The following TBC1D4 variants were observed in gnomAD, a reference collection of about 807,000 sequenced individuals.
The protein encoded by TBC1D4 is TBC1 domain family member 4, also known as TBC (Tre-2, BUB2, CDC16) domain-containing protein.
TBC1D4 carries 121 observed loss-of-function variants against 142.5 expected under a neutral mutation model. The observed-to-expected ratio is 0.85, with a 90% CI of 0.73 to 0.99. The LOEUF (loss-of-function observed/expected upper bound fraction) is 0.99. TBC1D4 is among the 50% of genes least tolerant of loss of function. The probability of loss-of-function intolerance (pLI) is 0.00; values close to 1 mark genes in which losing one functional copy is unlikely to be tolerated. For synonymous variants in TBC1D4, 630 were observed against 628.2 expected (o/e 1.00, Z -0.04); for missense variants, 1,475 against 1,606.6 (o/e 0.92, Z 1.40).
chr13:75,336,049 G>T (rs1308327772), intron 8 of TBC1D4, among the ~76,000 whole-genome samples: 1 of 151,824 alleles, frequency 6.6e-6, no homozygotes, highest in Non-Finnish European at 1.5e-5. Context: ...TCTATTGCTC[G>T]AATTCAAATA....
intron 1 of TBC1D4, among the ~76,000 whole-genome samples, chr13:75,401,233 C>CA (rs1885077952): frequency 6.6e-6 from 1 of 152,182 alleles, no homozygotes; most frequent in Non-Finnish European, 1.5e-5. Context: ...AGCTTGTTTC[C>CA]AGGATTAGTT....
chr13:75,355,700 T>C (rs968422064), intron 4 of TBC1D4, among the ~76,000 whole-genome samples: 6 of 152,196 alleles, frequency 3.9e-5, no homozygotes, highest in Admixed American at 2.6e-4. Flanking sequence ...AAGTATATGA[T>C]ATTTCAAAAA....
chr13:75,330,304 T>C (rs1254923223), intron 8 of TBC1D4, among the ~76,000 whole-genome samples: 2 of 152,236 alleles, frequency 1.3e-5, no homozygotes, highest in Non-Finnish European at 2.9e-5. Flanking sequence ...GTTTTATTTA[T>C]GACATCCTAT....
At chr13:75,409,022 C>T (rs894238906) in intron 1 of TBC1D4, among the ~76,000 whole-genome samples, 6 of 128,758 alleles carry the variant, frequency 4.7e-5, no homozygotes, top group Non-Finnish European at 8.0e-5. Context: ...TGATTGTGTG[C>T]ATATATATAT....
At chr13:75,349,077 G>T in intron 5 of TBC1D4, 93 bp downstream of exon 5, 1 of 1,573,142 alleles carries the variant, frequency 6.4e-7, no homozygotes. Context: ...GTTTCACATC[G>T]AAACAAAGAA....
chr13:75,381,735 G>A (rs919773134), intron 1 of TBC1D4, among the ~76,000 whole-genome samples: 8 of 152,190 alleles, frequency 5.3e-5, no homozygotes, highest in African/African-American at 1.9e-4. Flanking sequence ...CAGAACACCA[G>A]AGGCCCTAAG....
chr13:75,382,755 CAG>C (rs1046983190), intron 1 of TBC1D4, among the ~76,000 whole-genome samples: 2 of 152,272 alleles, frequency 1.3e-5, no homozygotes, highest in African/African-American at 4.8e-5. Flanking sequence ...ATGTAAAATG[CAG>C]AGTCAATTTC....
rs1888905380 is a variant in TBC1D4 at position 75,481,844 on chromosome 13, C to G, written c.-77G>C. The G allele has an allele frequency of 1.4e-6, 2 of 1,403,078 alleles. No homozygotes were observed. The highest frequency in any genetic ancestry group is 2.8e-5 in the East Asian group (1 of 35,326). 86.9% of individuals were successfully genotyped at this position (1,403,078 alleles called of 1,614,324 possible). ...CCCACTCCCGCGCAGAAGGCGCCGC[C>G]GAAACTGTGCCAACTGCCGCACCGG... On this transcript the variant is annotated 5_prime_UTR_variant, in exon 1 of 21. Coordinates refer to ENST00000377636, the MANE Select transcript of TBC1D4 (RefSeq NM_014832.5).
At chr13:75,442,722 T>C (rs1179080776) in intron 1 of TBC1D4, among the ~76,000 whole-genome samples, 1 of 148,582 alleles carries the variant, frequency 6.7e-6, no homozygotes, top group Non-Finnish European at 1.5e-5. Flanking sequence ...GAGGTTGCAG[T>C]GAGCCGAGAT....
intron 3 of TBC1D4, 63 bp from the exon 4 acceptor site, chr13:75,356,314 A>C: frequency 8.7e-7 from 1 of 1,147,782 alleles, no homozygotes; most frequent in Non-Finnish European, 1.3e-6. Flanking sequence ...ACTCAACAAT[A>C]TGGAAAGCAA....
At chr13:75,353,896 C>G (rs503822) in intron 4 of TBC1D4, among the ~76,000 whole-genome samples, 129,294 of 152,186 alleles carry the variant, frequency 0.85, 55,221 homozygotes, top group Non-Finnish European at 0.89. Flanking sequence ...GGCATCCTCT[C>G]ACATGGCACA....
intron 1 of TBC1D4, chr13:75,375,948 T>G (rs903901515): frequency 2.0e-5 from 3 of 152,106 alleles, no homozygotes; most frequent in Admixed American, 6.5e-5. Flanking sequence ...CAAAATTCCG[T>G]TACTAGAGAA....
intron 2 of TBC1D4, among the ~76,000 whole-genome samples, chr13:75,361,441 G>C (rs534118501): frequency 1.3e-5 from 2 of 152,068 alleles, no homozygotes; most frequent in Non-Finnish European, 2.9e-5. Context: ...AGTGCAGGGG[G>C]TCAATCTCAG....
chr13:75,307,510 C>T (rs1017895022), intron 14 of TBC1D4, among the ~76,000 whole-genome samples: 6 of 152,120 alleles, frequency 3.9e-5, no homozygotes, highest in African/African-American at 2.4e-5. Context: ...ATTAGGATCA[C>T]GGTGGACAGG....
chr13:75,467,730 G>A (rs1474923139), intron 1 of TBC1D4, among the ~76,000 whole-genome samples: 2 of 152,120 alleles, frequency 1.3e-5, no homozygotes, highest in Non-Finnish European at 2.9e-5. Context: ...CAAGAATACT[G>A]CAGTCTTACT....
At chr13:75,386,534 A>G (rs2328941) in intron 1 of TBC1D4, among the ~76,000 whole-genome samples, 149,536 of 151,850 alleles carry the variant, frequency 0.98, 73,672 homozygotes, top group East Asian at 1. Context: ...GACTACAGGC[A>G]TCCGCCACCA....
chr13:75,425,305 G>A (rs1017209490), intron 1 of TBC1D4, among the ~76,000 whole-genome samples: 3 of 152,120 alleles, frequency 2.0e-5, no homozygotes, highest in African/African-American at 7.2e-5. Context: ...CTGTTGGAAT[G>A]GTTATTATAA....
intron 18 of TBC1D4, among the ~76,000 whole-genome samples, chr13:75,293,069 C>A (rs939841530): frequency 6.6e-6 from 1 of 152,120 alleles, no homozygotes; most frequent in South Asian, 2.1e-4. Context: ...GCAGGAGAAT[C>A]GCTCGAACCC....
At chr13:75,465,752 A>G (rs1427495515) in intron 1 of TBC1D4, among the ~76,000 whole-genome samples, 1 of 152,182 alleles carries the variant, frequency 6.6e-6, no homozygotes, top group East Asian at 1.9e-4. Context: ...TTTAAGTCTG[A>G]CAAGAAACAT....
Sources: gnomAD v4.1 joint callset for allele counts (sites outside exome capture counted in the v4.1 genomes callset) on GRCh38, gnomAD v4.1.1 for gene constraint, MANE v1.5 for transcripts, NCBI Gene and HGNC (gene_info 2026-07-23, HGNC 2026-07-21) for gene names.